SETD5: variants seen among roughly 807,000 people sequenced by gnomAD.
The protein encoded by SETD5 is histone-lysine N-methyltransferase SETD5.
In SETD5, 44 loss-of-function variants were observed where a neutral mutation model predicts 153.3. The ratio of observed to expected loss-of-function variants is 0.29; its 90% CI spans 0.23 to 0.37. The LOEUF (loss-of-function observed/expected upper bound fraction) is 0.37, where lower values mean the gene tolerates loss of function less well. SETD5 is among the 10% of genes least tolerant of loss of function. The pLI is 1.00. For synonymous variants in SETD5, 716 were observed against 645.2 expected (o/e 1.11, Z -1.66); for missense variants, 1,544 against 1,768.0 (o/e 0.87, Z 2.27).
rs2045525476 is a variant in SETD5 at position 9,473,285 on chromosome 3, C to G, written c.3245C>G (p.Ser1082Cys). The change falls in exon 20 of 23, where the codon TCT becomes TGT. Residue 1082 changes from serine (S) to cysteine (C), a missense_variant. Ser to Cys is a moderately radical substitution (Grantham distance 112). Coordinates refer to ENST00000402198, the MANE Select transcript of SETD5 (RefSeq NM_001080517.3). Reference sequence around the variant, plus strand: ...CGGAAACAAGAAGCTAAGGAAAATTCTGCTGGTGGGGGAGGTGACTCTGCA... The same window carrying G: ...CGGAAACAAGAAGCTAAGGAAAATTGTGCTGGTGGGGGAGGTGACTCTGCA... ...RKRKQEAKEN[S>C]AGGGGDSAQS... The G allele has an allele frequency of 3.7e-6, 6 of 1,613,740 alleles. No individual in the cohort carries two copies. Among genetic ancestry groups the G allele is most frequent in the Non-Finnish European group, 5.1e-6 (6 of 1,179,812 alleles).
rs1559380190 is a variant in SETD5, at chr3:9,425,051, G to GTTTTTTTTTTTTTTTTTT, written c.-117+528_-117+529insTTTTTTTTTTTTTTTTTT. On this transcript the variant is annotated intron_variant, in intron 2 of 22. Transcript: ENST00000402198. ...ATAGAAATTTATAGTTACCGACAAT[G>GTTTTTTTTTTTTTTTTTT]TTTCTTTTTTTTTTTTTTTTTTTTT... Among the ~76,000 whole-genome samples the GTTTTTTTTTTTTTTTTTT allele has an allele frequency of 1.2e-4, 11 of 91,414 alleles. 1 individual carries two copies. Among genetic ancestry groups the GTTTTTTTTTTTTTTTTTT allele is most frequent in the African/African-American group, 5.5e-4 (11 of 19,926 alleles). The allele number at this position is 91,414 out of a possible 152,430, so 60.0% of individuals were successfully genotyped here.
Position 9,433,827 on chromosome 3 carries a change from C to T in SETD5, c.72-18C>T. 1 of 1,611,678 alleles carries T rather than the reference C, an allele frequency of 6.2e-7. No individual in the cohort carries two copies. Among genetic ancestry groups the T allele is most frequent in the Non-Finnish European group, 8.5e-7 (1 of 1,177,988 alleles). ...TTAGGTGTTATGCTATCATGCATTG[C>T]TTTTCGCCTTTGTGCAGCCCTGAAT... On this transcript the variant is annotated intron_variant, in intron 3 of 22. Transcript: ENST00000402198.
intron 3 of SETD5, chr3:9,433,606 C>A (rs2125087840): frequency 8.4e-7 from 1 of 1,190,054 alleles, no homozygotes; most frequent in Non-Finnish European, 1.1e-6. Context: ...ATCTCAGGTG[C>A]CTGCCTTCAG....
chr3:9,462,151 G>A (rs1316684652), intron 17 of SETD5, among the ~76,000 whole-genome samples: 2 of 152,106 alleles, frequency 1.3e-5, no homozygotes, highest in Non-Finnish European at 2.9e-5. Flanking sequence ...ACTCCAGATG[G>A]TTTCCCAGTT....
chr3:9,415,439 C>G (rs1047396257), intron 1 of SETD5, among the ~76,000 whole-genome samples: 3 of 151,794 alleles, frequency 2.0e-5, no homozygotes, highest in Non-Finnish European at 2.9e-5. Context: ...GCTAGCTGAT[C>G]CAAAGACATT....
intron 1 of SETD5, among the ~76,000 whole-genome samples, chr3:9,414,367 G>C (rs989099877): frequency 6.6e-6 from 1 of 152,102 alleles, no homozygotes; most frequent in Admixed American, 6.5e-5. Context: ...GCCATTGGTC[G>C]TGTGTGTTTT....
Position 9,445,306 on chromosome 3 carries a change from C to A in SETD5, c.1440+6C>A. 2 of 1,597,920 alleles carry A rather than the reference C, an allele frequency of 1.3e-6. No homozygotes were observed. The highest frequency in any genetic ancestry group is 1.7e-6 in the Non-Finnish European group (2 of 1,171,680). ...CTGTATCCAGTGATCATGAGGTAAT[C>A]GCCCCTGGTCAAATGATGATGCTAT... On this transcript the variant is annotated splice_donor_region_variant and intron_variant, in intron 12 of 22. Transcript: ENST00000402198.
intron 1 of SETD5, among the ~76,000 whole-genome samples, chr3:9,398,866 C>G (rs890478875): frequency 1.3e-5 from 2 of 152,224 alleles, no homozygotes; most frequent in African/African-American, 4.8e-5. Context: ...TGTCTCACTT[C>G]TTGGGCGTCA....
chr3:9,419,029 C>G (rs1393567213), intron 1 of SETD5, among the ~76,000 whole-genome samples: 2 of 151,846 alleles, frequency 1.3e-5, no homozygotes, highest in Non-Finnish European at 2.9e-5. Flanking sequence ...GTTTCATCAT[C>G]TTGGCCAGGC....
intron 18 of SETD5, among the ~76,000 whole-genome samples, chr3:9,465,371 C>T (rs1271977143): frequency 1.3e-5 from 2 of 152,198 alleles, no homozygotes; most frequent in Admixed American, 6.5e-5. Flanking sequence ...GTTTGGGTGA[C>T]AGCAGGTTTC....
At chr3:9,443,286 A>C in intron 10 of SETD5, 22 bp from the exon 11 acceptor site, 3 of 1,536,702 alleles carry the variant, frequency 2.0e-6, no homozygotes, top group Non-Finnish European at 2.6e-6. Flanking sequence ...TGAAAAATCC[A>C]ACCAGAAGCC....
intron 1 of SETD5, among the ~76,000 whole-genome samples, chr3:9,420,261 TA>T (rs1000461938): frequency 7.9e-5 from 12 of 152,142 alleles, no homozygotes; most frequent in Admixed American, 1.3e-4. Flanking sequence ...ATAATTCTGT[TA>T]TTTATGATAT....
chr3:9,474,428 T>A (rs760300051), intron 20 of SETD5, 21 bp from the exon 21 acceptor site: 2 of 1,611,974 alleles, frequency 1.2e-6, no homozygotes, highest in South Asian at 2.2e-5. Flanking sequence ...GGCTTGAACT[T>A]GCACCCTGTT....
At chr3:9,402,039 G>T (rs1165156382) in intron 1 of SETD5, among the ~76,000 whole-genome samples, 1 of 152,182 alleles carries the variant, frequency 6.6e-6, no homozygotes, top group African/African-American at 2.4e-5. Context: ...AAAATATGTG[G>T]CAAAATGATT....
At chr3:9,418,566 G>C (rs1177962373) in intron 1 of SETD5, among the ~76,000 whole-genome samples, 1 of 151,978 alleles carries the variant, frequency 6.6e-6, no homozygotes, top group Non-Finnish European at 1.5e-5. Flanking sequence ...AATCACATAG[G>C]CTGAAGCAGG....
intron 1 of SETD5, among the ~76,000 whole-genome samples, chr3:9,398,840 CTA>C (rs1373048160): frequency 1.3e-5 from 2 of 152,208 alleles, no homozygotes; most frequent in Non-Finnish European, 2.9e-5. Flanking sequence ...CTAATTGATT[CTA>C]TAGAGTCCTT....
Position 9,436,905 on chromosome 3 carries a change from G to T in SETD5, c.567+999G>T, listed in dbSNP as rs551194210. ...CGGATGAAGGTAAGGGGTAATCTTC[G>T]CTGATGCTGTGTTTTACTTCACTGT... On this transcript the variant is annotated intron_variant, in intron 7 of 22. Transcript: ENST00000402198. 3 of 1,548,546 alleles carry T rather than the reference G, an allele frequency of 1.9e-6. No individual in the cohort carries two copies. The African/African-American group carries it at 4.1e-5, about 21-fold the overall frequency.
intron 1 of SETD5, among the ~76,000 whole-genome samples, chr3:9,409,092 A>T (rs78787457): frequency 0.018 from 2,723 of 152,270 alleles, 87 homozygotes; most frequent in African/African-American, 0.06. Flanking sequence ...GGCCTTGTAC[A>T]GATAATTGGT....
intron 1 of SETD5, among the ~76,000 whole-genome samples, chr3:9,411,785 G>A (rs1342298611): frequency 1.3e-5 from 2 of 152,128 alleles, no homozygotes; most frequent in Admixed American, 6.5e-5. Flanking sequence ...CTTAGAATTA[G>A]TAATGTTCAT....
Sources: allele counts gnomAD v4.1 joint callset (sites outside exome capture counted in the v4.1 genomes callset), GRCh38; gene constraint gnomAD v4.1.1; transcripts MANE v1.5; gene names NCBI Gene and HGNC (gene_info 2026-07-23, HGNC 2026-07-21).